The following RIC3 variants were observed in gnomAD, a reference collection of about 807,000 sequenced individuals.
The protein encoded by RIC3 is RIC3 acetylcholine receptor chaperone.
In RIC3, 28 loss-of-function variants were observed where a neutral mutation model predicts 27.3. That is an observed-to-expected ratio of 1.02 (90% CI 0.76 to 1.41). RIC3 has a LOEUF of 1.41. Among genes scored for constraint, RIC3 ranks in the 40% most tolerant of loss-of-function variants. RIC3 has a pLI of 0.00. For missense variants in RIC3, 501 were observed against 444.7 expected (o/e 1.13, Z -1.14); for synonymous variants, 184 against 160.4 (o/e 1.15, Z -1.11).
In RIC3 at chr11:8,106,611, A is replaced by C. The variant is rs4340037; in HGVS notation, c.*4087T>G. The C allele has an allele frequency of 0.25, 38,530 of 152,156 alleles. 5,018 individuals carry two copies. The highest frequency in any genetic ancestry group is 0.45 in the East Asian group (2,330 of 5,172). 9.4% of individuals were successfully genotyped at this position (152,156 alleles called of 1,614,324 possible). On this transcript the variant is annotated 3_prime_UTR_variant, in exon 6 of 6. Transcript: ENST00000309737. ...GGCTGTAGAGATGAAAAAGGTATAA[A>C]AGACCCAACCACTTGATGTCTCAGG...
At chr11:8,132,777 T>C (rs1231396066) in intron 4 of RIC3, among the ~76,000 whole-genome samples, 1 of 152,214 alleles carries the variant, frequency 6.6e-6, no homozygotes, top group African/African-American at 2.4e-5. Context: ...AATGTATCTT[T>C]TGCTTTACCC....
At position 8,111,066 on chromosome 11, in the gene RIC3, C is replaced by A; in HGVS notation, c.742G>T (p.Val248Leu). ...AGTTCTTTTGGGTCAGGGTAATCCA[C>A]CAAGATTGTTTCTTGCCTACGCTTG... ...CIKRRQETIL[V>L]DYPDPKELSA... is the part of the protein sequence containing the mutation. Residue 248 changes from valine (V) to leucine (L), a missense_variant, in exon 6 of 6, where the codon GTG (valine) becomes TTG (leucine). Physicochemically the swap from Val to Leu is conservative, Grantham distance 32. Coordinates refer to ENST00000309737, the MANE Select transcript of RIC3 (RefSeq NM_001206671.4). 6.2e-7 allele frequency: 1 copy of A among 1,614,086 alleles called. No individual in the cohort carries two copies. The highest frequency in any genetic ancestry group is 8.5e-7 in the Non-Finnish European group (1 of 1,179,998).
chr11:8,123,238 A>G (rs918118046), intron 5 of RIC3, among the ~76,000 whole-genome samples: 6 of 152,108 alleles, frequency 3.9e-5, no homozygotes, highest in African/African-American at 1.4e-4. Flanking sequence ...GGGCAATATC[A>G]AACATATATG....
chr11:8,150,468 T>A (rs1950118897), intron 1 of RIC3, among the ~76,000 whole-genome samples: 1 of 152,172 alleles, frequency 6.6e-6, no homozygotes, highest in Non-Finnish European at 1.5e-5. Context: ...TGAATATACA[T>A]TTTTCACACA....
intron 5 of RIC3, among the ~76,000 whole-genome samples, chr11:8,123,558 C>A (rs573872739): frequency 3.9e-5 from 6 of 152,036 alleles, no homozygotes; most frequent in Non-Finnish European, 7.4e-5. Flanking sequence ...ACAGATCTTA[C>A]GTATATTAAA....
the RIC3 span, chr11:8,095,353 C>A: frequency 1.3e-6 from 1 of 760,988 alleles, no homozygotes; most frequent in Non-Finnish European, 2.1e-6. Flanking sequence ...CTGGTGCAAT[C>A]ATTAGTTTTA....
chr11:8,111,530 G>C (rs1724939037), intron 5 of RIC3, among the ~76,000 whole-genome samples: 1 of 152,110 alleles, frequency 6.6e-6, no homozygotes, highest in African/African-American at 2.4e-5. Context: ...ATTTCTATTT[G>C]GAACAATTTC....
intron 1 of RIC3, among the ~76,000 whole-genome samples, chr11:8,161,940 GGTAAT>G (rs1951205041): frequency 7.9e-6 from 1 of 126,332 alleles, no homozygotes; most frequent in Non-Finnish European, 1.7e-5. Context: ...AATGTGAGGA[GGTAAT>G]GTCCGAAACT....
At chr11:8,153,127 G>C (rs1950382080) in intron 1 of RIC3, among the ~76,000 whole-genome samples, 1 of 152,156 alleles carries the variant, frequency 6.6e-6, no homozygotes, top group Non-Finnish European at 1.5e-5. Context: ...TATTTTCAAA[G>C]ACAGAAGAGG....
the RIC3 span, chr11:8,097,177 T>TG: frequency 6.3e-7 from 1 of 1,598,502 alleles, no homozygotes. Context: ...ACCACCAATT[T>TG]GGGCTGCTTA....
intron 4 of RIC3, 50 bp from the exon 5 acceptor site, chr11:8,126,857 A>T: frequency 1.9e-6 from 3 of 1,605,898 alleles, no homozygotes; most frequent in Non-Finnish European, 2.6e-6. Flanking sequence ...ACTCCTAGGC[A>T]ATGGACGTAA....
chr11:8,136,553 T>C (rs1293722075), intron 4 of RIC3, among the ~76,000 whole-genome samples: 2 of 152,212 alleles, frequency 1.3e-5, no homozygotes, highest in African/African-American at 4.8e-5. Context: ...CCCTTTCAGA[T>C]CCTCAGCCAG....
At chr11:8,113,367 A>C (rs544688609) in intron 5 of RIC3, among the ~76,000 whole-genome samples, 46 of 152,196 alleles carry the variant, frequency 3.0e-4, no homozygotes, top group Non-Finnish European at 5.7e-4. Context: ...CCAGCTCTGC[A>C]TCCCTAGTCA....
chr11:8,096,711 G>A, the RIC3 span: 24 of 1,612,702 alleles, frequency 1.5e-5, no homozygotes, highest in African/African-American at 2.0e-4. Context: ...GAGCTTTGAC[G>A]AGGATGAGGA....
At chr11:8,133,742 T>C (rs1435605864) in intron 4 of RIC3, among the ~76,000 whole-genome samples, 1 of 152,100 alleles carries the variant, frequency 6.6e-6, no homozygotes, top group Non-Finnish European at 1.5e-5. Context: ...AAAGGAGACA[T>C]AAATCTGGGA....
At chr11:8,158,680 C>T (rs541027129) in intron 1 of RIC3, among the ~76,000 whole-genome samples, 1 of 146,508 alleles carries the variant, frequency 6.8e-6, no homozygotes, top group East Asian at 2.1e-4. Flanking sequence ...TTTCTGACAA[C>T]AAAGTAGGAA....
intron 1 of RIC3, among the ~76,000 whole-genome samples, chr11:8,145,979 G>A (rs779596053): frequency 8.5e-5 from 13 of 152,154 alleles, no homozygotes; most frequent in Non-Finnish European, 1.6e-4. Flanking sequence ...GCTGTACTTC[G>A]TGATATTACA....
intron 5 of RIC3, 39 bp from the exon 6 acceptor site, chr11:8,111,176 C>A: frequency 1.5e-6 from 2 of 1,356,898 alleles, no homozygotes; most frequent in South Asian, 1.5e-5. Flanking sequence ...CAAAGAATGT[C>A]TCCTCAAAAA....
the RIC3 span, chr11:8,096,567 A>G: frequency 1.4e-6 from 1 of 736,714 alleles, no homozygotes; most frequent in Non-Finnish European, 2.5e-6. Flanking sequence ...GAGTGTGTGC[A>G]TAAGTTTGTG....
Sources: gnomAD v4.1 joint callset for allele counts (sites outside exome capture counted in the v4.1 genomes callset) on GRCh38, gnomAD v4.1.1 for gene constraint, MANE v1.5 for transcripts, NCBI Gene and HGNC (gene_info 2026-07-23, HGNC 2026-07-21) for gene names.